The following PPP4R3A variants were observed in gnomAD, a reference collection of about 807,000 sequenced individuals.
The protein encoded by PPP4R3A is serine/threonine-protein phosphatase 4 regulatory subunit 3A.
In PPP4R3A, 15 loss-of-function variants were observed where a neutral mutation model predicts 91.7. The ratio of observed to expected loss-of-function variants is 0.16; its 90% CI spans 0.11 to 0.25. The LOEUF is 0.25. PPP4R3A is among the 10% of genes least tolerant of loss of function. The pLI is 1.00. For missense variants in PPP4R3A, 623 were observed against 998.4 expected, an observed-to-expected ratio of 0.62 and a Z score of 5.07; for synonymous variants, 377 against 348.7, an observed-to-expected ratio of 1.08 and a Z score of -0.91.
At chr14:91,493,303 ACT>A (rs1169657917) in intron 1 of PPP4R3A, among the ~76,000 whole-genome samples, 1 of 137,496 alleles carries the variant, frequency 7.3e-6, no homozygotes, top group Non-Finnish European at 1.5e-5. Context: ...GTCAACAGAG[ACT>A]CTGCCTCAAA....
chr14:91,459,531 T>C (rs1887991663), intron 14 of PPP4R3A, among the ~76,000 whole-genome samples: 2 of 152,126 alleles, frequency 1.3e-5, no homozygotes, highest in African/African-American at 4.8e-5. Context: ...AAGTCTAAAA[T>C]AGTATAAAAA....
chr14:91,473,173 A>G, intron 8 of PPP4R3A, 38 bp from the exon 9 acceptor site: 4 of 1,613,178 alleles, frequency 2.5e-6, no homozygotes, highest in Non-Finnish European at 3.4e-6. Flanking sequence ...CTTTAACCAC[A>G]CTGGTTCCTA....
At chr14:91,462,959 C>A in intron 11 of PPP4R3A, 82 bp from the exon 12 acceptor site, 1 of 1,074,030 alleles carries the variant, frequency 9.3e-7, no homozygotes, top group South Asian at 1.5e-5. Flanking sequence ...AATTCATACC[C>A]ACCAAAAATA....
chr14:91,503,274 G>GC (rs1891072501), intron 1 of PPP4R3A, among the ~76,000 whole-genome samples: 1 of 149,182 alleles, frequency 6.7e-6, no homozygotes, highest in African/African-American at 2.5e-5. Flanking sequence ...ACAGATGTGG[G>GC]CCACTGTGCC....
At chr14:91,473,916 T>C (rs1442960586) in intron 7 of PPP4R3A, among the ~76,000 whole-genome samples, 2 of 152,134 alleles carry the variant, frequency 1.3e-5, no homozygotes, top group Non-Finnish European at 2.9e-5. Context: ...ATTACAGGCA[T>C]GCACCACCAT....
intron 1 of PPP4R3A, among the ~76,000 whole-genome samples, chr14:91,505,593 T>C (rs1052421005): frequency 1.3e-5 from 2 of 152,122 alleles, no homozygotes; most frequent in Non-Finnish European, 2.9e-5. Context: ...TTACAGACAA[T>C]AAATACTTGA....
At chr14:91,492,823 G>A (rs1219751883) in intron 1 of PPP4R3A, among the ~76,000 whole-genome samples, 1 of 152,142 alleles carries the variant, frequency 6.6e-6, no homozygotes, top group African/African-American at 2.4e-5. Context: ...ACTTTTGCCA[G>A]ATTAATCAAA....
rs1887930597 is a variant in PPP4R3A at position 91,458,801 on chromosome 14, TTCCTTATCTTCA to T, written c.2448_2459del (p.Asp816_Lys819del). On this transcript the variant is annotated inframe_deletion, in exon 15 of 15. Coordinates refer to ENST00000554943, the MANE Select transcript of PPP4R3A (RefSeq NM_001366432.2). Reference sequence around the variant, plus strand: ...CTTTCTTTGACAATGGTAACGTATCTTCCTTATCTTCATCCTCATCATCATCTTCATCATCAT... The same window carrying T: ...CTTTCTTTGACAATGGTAACGTATCTTCCTCATCATCATCTTCATCATCAT... The T allele has an allele frequency of 3.1e-6, 5 of 1,614,156 alleles. No individual in the cohort carries two copies. Among genetic ancestry groups the T allele is most frequent in the Non-Finnish European group, 4.2e-6 (5 of 1,180,014 alleles).
At position 91,473,308 on chromosome 14, in the gene PPP4R3A, T is replaced by C; in HGVS notation, c.1329A>G (p.Gly443=). The C allele has an allele frequency of 6.2e-7, 1 of 1,614,150 alleles. No homozygotes were observed. Among genetic ancestry groups the C allele is most frequent in the Non-Finnish European group, 8.5e-7 (1 of 1,180,022 alleles). The part of the protein sequence containing the change: ...HMICDTDPEL[G]GAVQLMGLLR... ...GCAGGCCCATAAGCTGGACTGCTCC[T>C]CCAAGTTCAGGATCTGTATCACAAA... The change falls in exon 8 of 15, where the codon GGA becomes GGG. Residue 443 remains glycine (G), a synonymous_variant. Coordinates refer to ENST00000554943, the MANE Select transcript of PPP4R3A (RefSeq NM_001366432.2).
At chr14:91,472,659 T>TG (rs965561339) in intron 9 of PPP4R3A, among the ~76,000 whole-genome samples, 2 of 151,954 alleles carry the variant, frequency 1.3e-5, no homozygotes, top group Non-Finnish European at 2.9e-5. Flanking sequence ...TTAGTAGAGA[T>TG]GGGGTTTCAC....
At chr14:91,474,860 A>G (rs1265154827) in intron 7 of PPP4R3A, 5 of 152,206 alleles carry the variant, frequency 3.3e-5, no homozygotes, top group Admixed American at 2.6e-4. Flanking sequence ...TTTATAAAAG[A>G]AAAACATGAC....
At chr14:91,469,621 T>C (rs935150498) in intron 10 of PPP4R3A, among the ~76,000 whole-genome samples, 4 of 152,188 alleles carry the variant, frequency 2.6e-5, no homozygotes, top group African/African-American at 7.2e-5. Flanking sequence ...CAGACTGGAG[T>C]GCAATGGTGC....
At position 91,458,647 on chromosome 14, in the gene PPP4R3A, T is replaced by G. The variant is rs768029896; in HGVS notation, c.*112A>C. 19 of 1,474,498 alleles carry G rather than the reference T, an allele frequency of 1.3e-5. No homozygotes were observed. The East Asian group carries it at 2.3e-4, about 18-fold the overall frequency. 91.3% of individuals were successfully genotyped at this position (1,474,498 alleles called of 1,614,324 possible). On this transcript the variant is annotated 3_prime_UTR_variant, in exon 15 of 15. Coordinates refer to ENST00000554943, the MANE Select transcript of PPP4R3A (RefSeq NM_001366432.2). ...GCAGAAGTCAAGTGTAAGAGGCTGA[T>G]CTGTGTCAGTCATTCACAAGAGACC...
At position 91,497,556 on chromosome 14, in the gene PPP4R3A, T is replaced by A. The variant is rs552946845; in HGVS notation, c.143-6754A>T. On this transcript the variant is annotated intron_variant, in intron 1 of 14. Transcript: ENST00000554943. ...AGCTAAGTGGAATGCATCAGTACAATTAGATCTGCCACTGTGGAATCTATC... is the reference window on the plus strand; with the variant it reads ...AGCTAAGTGGAATGCATCAGTACAAATAGATCTGCCACTGTGGAATCTATC... 8.5e-5 allele frequency among the ~76,000 whole-genome samples: 13 copies of A among 152,278 alleles called. No homozygotes were observed. The South Asian group carries it at 2.7e-3, about 32-fold the overall frequency.
At chr14:91,505,082 T>C (rs1891202910) in intron 1 of PPP4R3A, among the ~76,000 whole-genome samples, 1 of 152,206 alleles carries the variant, frequency 6.6e-6, no homozygotes, top group Admixed American at 6.6e-5. Context: ...TGCCTGAATT[T>C]GAATCCCAAC....
chr14:91,470,741 C>T, intron 10 of PPP4R3A, 96 bp downstream of exon 10: 2 of 1,405,762 alleles, frequency 1.4e-6, no homozygotes, highest in East Asian at 2.3e-5. Flanking sequence ...CCTAGATCTC[C>T]TGACCTGTAA....
chr14:91,498,338 A>AG lies in PPP4R3A; in HGVS notation c.143-7537_143-7536insC, dbSNP rs200232368. On this transcript the variant is annotated intron_variant, in intron 1 of 14. Coordinates refer to ENST00000554943, the MANE Select transcript of PPP4R3A (RefSeq NM_001366432.2). ...TGACAGTGAGACTCTGTCTCAAAGA[A>AG]AAAAAAAAAAAGACACTCTTCTCAT... Among the ~76,000 whole-genome samples the AG allele has an allele frequency of 6.4e-3, 961 of 149,734 alleles. 10 individuals are homozygous for AG. The highest frequency in any genetic ancestry group is 0.04 in the East Asian group (207 of 5,128).
At chr14:91,490,498 A>G (rs866709134) in intron 2 of PPP4R3A, among the ~76,000 whole-genome samples, 2 of 152,104 alleles carry the variant, frequency 1.3e-5, no homozygotes, top group Non-Finnish European at 2.9e-5. Flanking sequence ...TTAGGTAAAA[A>G]CAAGGAAATT....
intron 13 of PPP4R3A, 56 bp downstream of exon 13, chr14:91,461,993 A>G (rs116846768): frequency 0.012 from 16,919 of 1,433,320 alleles, 125 homozygotes; most frequent in Non-Finnish European, 0.012. Context: ...AGAAATAAGA[A>G]TAAATCTAGA....
Sources: gnomAD v4.1 joint callset for allele counts (sites outside exome capture counted in the v4.1 genomes callset) on GRCh38, gnomAD v4.1.1 for gene constraint, MANE v1.5 for transcripts, NCBI Gene and HGNC (gene_info 2026-07-23, HGNC 2026-07-21) for gene names.